Variants in SAP130 observed in about 807,000 individuals in gnomAD.
SAP130 encodes the protein Sin3A associated protein 130.
In SAP130, 16 loss-of-function variants were observed where a neutral mutation model predicts 103.2. That is an observed-to-expected ratio of 0.16 (90% CI 0.10 to 0.24). The LOEUF (loss-of-function observed/expected upper bound fraction) is 0.24. Ranked by LOEUF, SAP130 falls within the 10% of genes least tolerant of loss-of-function variation. The pLI, the probability that SAP130 is intolerant of heterozygous loss-of-function variation, is 1.00. For missense variants in SAP130, 990 were observed against 1,359.7 expected, an observed-to-expected ratio of 0.73 and a Z score of 4.28; for synonymous variants, 477 against 497.0, an observed-to-expected ratio of 0.96 and a Z score of 0.53.
At chr2:127,944,953 G>A (rs888694188) in intron 19 of SAP130, among the ~76,000 whole-genome samples, 11 of 151,256 alleles carry the variant, frequency 7.3e-5, no homozygotes, top group African/African-American at 1.9e-4. Context: ...GGTATGCCCC[G>A]GTCTCTGAAT....
chr2:127,971,286 CTTTT>C (rs70985494), intron 15 of SAP130, among the ~76,000 whole-genome samples: 4 of 104,334 alleles, frequency 3.8e-5, no homozygotes, highest in South Asian at 6.0e-4. Context: ...TTTTTCATTT[CTTTT>C]TTTTTTTTTT....
intron 16 of SAP130, among the ~76,000 whole-genome samples, chr2:127,952,306 C>T (rs1210680853): frequency 6.6e-6 from 1 of 151,950 alleles, no homozygotes; most frequent in African/African-American, 2.4e-5. Flanking sequence ...TAAAAATTGG[C>T]TGGGTGTGGT....
chr2:127,966,359 A>C lies in SAP130; in HGVS notation c.2064-11015T>G, dbSNP rs898694835. 2.0e-5 allele frequency among the ~76,000 whole-genome samples: 3 copies of C among 152,178 alleles called. No individual in the cohort carries two copies. The South Asian group carries it at 6.2e-4, about 32-fold the overall frequency. ...GACTCCGTCTCAAAAAAATAAAAAT[A>C]AATAAAACAAACAAACTTCATTGTA... On this transcript the variant is annotated intron_variant, in intron 15 of 20. Transcript: ENST00000643581.
chr2:127,999,603 A>T lies in SAP130; in HGVS notation c.1213+138T>A, dbSNP rs972448023. The T allele has an allele frequency of 8.6e-6, 4 of 465,184 alleles. No individual in the cohort carries two copies. In the South Asian group the frequency reaches 3.1e-4, roughly 36 times the overall value. 28.8% of individuals were successfully genotyped at this position (465,184 alleles called of 1,614,324 possible). ...TGGGCAACAGAGTGAGACTTAAGGAAAGAAAAAGAAAAGAAAAAAAAAAAA... is the reference window on the plus strand; with the variant it reads ...TGGGCAACAGAGTGAGACTTAAGGATAGAAAAAGAAAAGAAAAAAAAAAAA... On this transcript the variant is annotated intron_variant, in intron 10 of 20. Coordinates refer to ENST00000643581, the MANE Select transcript of SAP130 (RefSeq NM_001330301.2).
chr2:127,948,219 T>G (rs992899280), intron 18 of SAP130, among the ~76,000 whole-genome samples: 2 of 152,218 alleles, frequency 1.3e-5, no homozygotes, highest in Non-Finnish European at 2.9e-5. Flanking sequence ...TTAATTGGTA[T>G]GTTTAGACTA....
chr2:127,949,123 A>G (rs1271756895), intron 18 of SAP130, among the ~76,000 whole-genome samples: 1 of 152,186 alleles, frequency 6.6e-6, no homozygotes, highest in Non-Finnish European at 1.5e-5. Context: ...TTACTTAGTC[A>G]GTACTCCATC....
At chr2:127,968,214 T>G (rs374794349) in intron 15 of SAP130, among the ~76,000 whole-genome samples, 3 of 151,500 alleles carry the variant, frequency 2.0e-5, no homozygotes, top group South Asian at 4.2e-4. Flanking sequence ...GTTCAAGAGA[T>G]TCTCCTGCCA....
intron 1 of SAP130, chr2:128,026,949 C>T: frequency 1.4e-6 from 1 of 733,060 alleles, no homozygotes; most frequent in Non-Finnish European, 1.9e-6. Context: ...CGCCCGCAAC[C>T]CCACCCCACC....
chr2:127,976,075 T>C (rs1410468910), intron 15 of SAP130, among the ~76,000 whole-genome samples: 1 of 152,220 alleles, frequency 6.6e-6, no homozygotes, highest in Non-Finnish European at 1.5e-5. Context: ...CTCTATCTCC[T>C]GACCTTGTGA....
chr2:128,001,471 G>C (rs1683555275), intron 7 of SAP130, among the ~76,000 whole-genome samples: 1 of 152,234 alleles, frequency 6.6e-6, no homozygotes, highest in African/African-American at 2.4e-5. Context: ...TGTGAAGTTA[G>C]TTACTCGGTA....
chr2:127,952,342 T>C (rs1679548807), intron 16 of SAP130, among the ~76,000 whole-genome samples: 1 of 151,248 alleles, frequency 6.6e-6, no homozygotes, highest in Non-Finnish European at 1.5e-5. Flanking sequence ...TCCCCGCTAC[T>C]CAGGAGGCTG....
At chr2:127,961,436 C>A (rs113377429) in intron 15 of SAP130, among the ~76,000 whole-genome samples, 1 of 151,684 alleles carries the variant, frequency 6.6e-6, no homozygotes. Flanking sequence ...GTGTGAGCCA[C>A]TGCACCTGGC....
At position 127,942,011 on chromosome 2, in the gene SAP130, C is replaced by G. The variant is rs1678746539; in HGVS notation, c.3169G>C (p.Val1057Leu). 1 of 1,552,362 alleles carries G rather than the reference C, an allele frequency of 6.4e-7. No homozygotes were observed. Among genetic ancestry groups the G allele is most frequent in the African/African-American group, 1.4e-5 (1 of 69,766 alleles). Residue 1057 changes from valine (V) to leucine (L), a missense_variant, in exon 21 of 21, where the codon GTC becomes CTC. Physicochemically the swap from Val to Leu is conservative, Grantham distance 32. Around this residue, in one of 6 missense-constraint regions of SAP130, gnomAD observed 69 missense variants for 165.7 expected, o/e 0.42. Coordinates refer to ENST00000643581, the MANE Select transcript of SAP130 (RefSeq NM_001330301.2). This position sits in a 1 kb window ranked among gnomAD's most constrained non-coding sequence, Gnocchi z 4.8. The stretch of plus-strand genomic sequence containing the variant: ...ATCTCCTGATTGTTCTGGGTCTAGA[C>G]TTTTTCCTTTCGCTTCAATTTGGAC... Reference protein sequence around the residue: ...KVSKLKRKEKV With the variant: ...KVSKLKRKEKL
chr2:127,983,833 T>TTG (rs1553509057), intron 14 of SAP130, among the ~76,000 whole-genome samples: 1 of 126,326 alleles, frequency 7.9e-6, no homozygotes, highest in African/African-American at 3.1e-5. Context: ...GTTTTTTTTT[T>TTG]TTTTTTTTTT....
intron 3 of SAP130, among the ~76,000 whole-genome samples, chr2:128,016,761 C>G (rs1311294330): frequency 6.6e-6 from 1 of 152,222 alleles, no homozygotes; most frequent in Non-Finnish European, 1.5e-5. Flanking sequence ...GGCTAACTGA[C>G]TTGCTCAAAG....
chr2:128,009,142 G>A (rs76462594), intron 7 of SAP130, among the ~76,000 whole-genome samples: 215 of 152,140 alleles, frequency 1.4e-3, no homozygotes, highest in African/African-American at 4.8e-3. Flanking sequence ...GCCTGCCCCA[G>A]TGATTCCTCA....
chr2:127,942,328 A>G lies in SAP130; in HGVS notation c.3015+96T>C. 1 of 1,080,518 alleles carries G rather than the reference A, an allele frequency of 9.3e-7. No individual in the cohort carries two copies. Among genetic ancestry groups the G allele is most frequent in the South Asian group, 1.4e-5 (1 of 73,352 alleles). The allele number at this position is 1,080,518 out of a possible 1,614,324, so 66.9% of individuals were successfully genotyped here. ...GCTGAAGCACGTATGTTTTTACTGAAGATATGAGGGAGACGGGGGGAAACG... is the reference window on the plus strand; with the variant it reads ...GCTGAAGCACGTATGTTTTTACTGAGGATATGAGGGAGACGGGGGGAAACG... On this transcript the variant is annotated intron_variant, in intron 20 of 20. Coordinates refer to ENST00000643581, the MANE Select transcript of SAP130 (RefSeq NM_001330301.2). This position sits in a 1 kb window ranked among gnomAD's most constrained non-coding sequence, Gnocchi z 4.8.
chr2:127,999,401 A>G (rs1683390100), intron 10 of SAP130, among the ~76,000 whole-genome samples: 2 of 152,088 alleles, frequency 1.3e-5, no homozygotes, highest in Non-Finnish European at 2.9e-5. Flanking sequence ...CATGAGGTCA[A>G]GACCAGCCTG....
rs184106035 is a variant in SAP130, at chr2:127,964,755, T to C, written c.2064-9411A>G. On this transcript the variant is annotated intron_variant, in intron 15 of 20. Coordinates refer to ENST00000643581, the MANE Select transcript of SAP130 (RefSeq NM_001330301.2). ...GCTCACGCCTGTAATGCCAACACTT[T>C]GAAGGCTGAGGCGGGTGGATCACCT... Among the ~76,000 whole-genome samples the C allele has an allele frequency of 3.0e-3, 451 of 152,002 alleles. 3 individuals carry two copies. Among genetic ancestry groups the C allele is most frequent in the African/African-American group, 0.01 (432 of 41,494 alleles).
Sources: allele counts gnomAD v4.1 joint callset (sites outside exome capture counted in the v4.1 genomes callset), GRCh38; gene constraint gnomAD v4.1.1; regional missense constraint gnomAD v4.1.1; non-coding constraint Gnocchi (gnomAD v3.1); transcripts MANE v1.5; gene names NCBI Gene and HGNC (gene_info 2026-07-23, HGNC 2026-07-21).